The following LRRC7 variants were observed in gnomAD, a reference collection of about 807,000 sequenced individuals.
LRRC7 encodes the protein leucine rich repeat containing 7.
A neutral mutation model predicts 175.7 loss-of-function variants in LRRC7; 23 were observed. The ratio of observed to expected loss-of-function variants is 0.13; its 90% CI spans 0.09 to 0.19. The LOEUF (loss-of-function observed/expected upper bound fraction) is 0.19, where lower values mean the gene tolerates loss of function less well. LRRC7 is among the 10% of genes least tolerant of loss of function. The pLI is 1.00. For synonymous variants in LRRC7, 685 were observed against 680.9 expected (o/e 1.01, Z -0.09); for missense variants, 1,354 against 1,904.7 (o/e 0.71, Z 5.38).
chr1:70,119,511 G>T (rs922625096), intron 26 of LRRC7, among the ~76,000 whole-genome samples: 2 of 146,810 alleles, frequency 1.4e-5, no homozygotes, highest in Admixed American at 1.3e-4. Context: ...GTACAAAACA[G>T]ACATTCTTTA....
Position 69,980,468 on chromosome 1 carries a change from A to C in LRRC7, c.786+15A>C. 6.5e-7 allele frequency: 1 copy of C among 1,550,004 alleles called. No individual in the cohort carries two copies. Among genetic ancestry groups the C allele is most frequent in the Non-Finnish European group, 8.9e-7 (1 of 1,126,668 alleles). ...TGTTACCTGGGGTATGTAAGTTTTT[A>C]TTCTACCATGTTGTTTAATATTTGT... is the stretch of plus-strand genomic sequence containing the variant. On this transcript the variant is annotated intron_variant, in intron 9 of 26. Coordinates refer to ENST00000651989, the MANE Select transcript of LRRC7 (RefSeq NM_001370785.2).
At chr1:69,751,619 A>C (rs12074756) in intron 2 of LRRC7, among the ~76,000 whole-genome samples, 1,690 of 152,246 alleles carry the variant, frequency 0.011, 37 homozygotes, top group African/African-American at 0.039. Context: ...TCTGCTTTTG[A>C]CAAGTGGAGT....
intron 8 of LRRC7, among the ~76,000 whole-genome samples, chr1:69,934,366 A>C (rs573875949): frequency 2.6e-5 from 4 of 152,184 alleles, no homozygotes; most frequent in South Asian, 2.1e-4. Context: ...TCAGAGTAGA[A>C]ATATCTACTT....
chr1:69,621,801 A>G (rs1018020623), intron 1 of LRRC7, among the ~76,000 whole-genome samples: 1 of 151,588 alleles, frequency 6.6e-6, no homozygotes, highest in Non-Finnish European at 1.5e-5. Context: ...GGACTGGACC[A>G]CTCTTTTTCT....
At chr1:70,100,312 T>C (rs528590568) in intron 25 of LRRC7, among the ~76,000 whole-genome samples, 1 of 152,278 alleles carries the variant, frequency 6.6e-6, no homozygotes, top group South Asian at 2.1e-4. Flanking sequence ...TTGCTTATTT[T>C]TGGTTGCTTT....
intron 18 of LRRC7, among the ~76,000 whole-genome samples, chr1:70,035,199 G>A (rs538709559): frequency 2.0e-5 from 3 of 152,142 alleles, no homozygotes; most frequent in South Asian, 2.1e-4. Flanking sequence ...AAGACATAAC[G>A]ATAGCTGCTA....
At chr1:69,714,639 G>A (rs1188285234) in intron 2 of LRRC7, among the ~76,000 whole-genome samples, 1 of 152,162 alleles carries the variant, frequency 6.6e-6, no homozygotes, top group African/African-American at 2.4e-5. Context: ...GAACAAAGAT[G>A]TAGTGGGGGC....
intron 8 of LRRC7, among the ~76,000 whole-genome samples, chr1:69,944,646 TC>T (rs902577927): frequency 7.2e-5 from 11 of 152,084 alleles, no homozygotes; most frequent in Admixed American, 3.3e-4. Flanking sequence ...AGTTCCAATT[TC>T]CCCCACATCC....
chr1:70,055,522 C>T (rs1387412772), intron 23 of LRRC7, among the ~76,000 whole-genome samples: 1 of 152,116 alleles, frequency 6.6e-6, no homozygotes, highest in Non-Finnish European at 1.5e-5. Flanking sequence ...CTATAAAGAA[C>T]TACCTGAGAC....
intron 3 of LRRC7, among the ~76,000 whole-genome samples, chr1:69,773,957 T>G (rs909026745): frequency 6.6e-6 from 1 of 152,180 alleles, no homozygotes; most frequent in Non-Finnish European, 1.5e-5. Flanking sequence ...AGTTCAAGAC[T>G]GCAGCAAGCT....
chr1:69,608,858 CTCTCTCTCTATATA>C (rs1156631636), intron 1 of LRRC7, among the ~76,000 whole-genome samples: 978 of 25,570 alleles, frequency 0.038, 1 homozygote, highest in Non-Finnish European at 0.041. Context: ...CTCTCTCTCT[CTCTCTCTCTATATA>C]TATATATATA....
chr1:69,802,575 C>G (rs929888859), intron 4 of LRRC7, among the ~76,000 whole-genome samples: 1 of 151,290 alleles, frequency 6.6e-6, no homozygotes, highest in African/African-American at 2.4e-5. Flanking sequence ...AATATCTTTT[C>G]TCATCCCTTT....
rs1414372081 is a variant in LRRC7, at chr1:69,930,082, C to T, written c.648-1425C>T. ...TCCTTATATGAATTCTCTCTATCTA[C>T]CTCCTCTGCTTAACTTTTCTCTGTA... On this transcript the variant is annotated intron_variant, in intron 7 of 26. Transcript: ENST00000651989. Among the ~76,000 whole-genome samples the T allele has an allele frequency of 2.6e-5, 4 of 152,174 alleles. No individual in the cohort carries two copies. In the South Asian group the frequency reaches 6.2e-4, roughly 24 times the overall value.
intron 1 of LRRC7, among the ~76,000 whole-genome samples, chr1:69,610,951 T>A (rs1269179987): frequency 1.1e-4 from 16 of 152,042 alleles, no homozygotes; most frequent in Non-Finnish European, 2.2e-4. Flanking sequence ...AAAATGCAGC[T>A]TTATGATGAC....
intron 2 of LRRC7, among the ~76,000 whole-genome samples, chr1:69,732,347 C>T (rs1667670587): frequency 6.6e-6 from 1 of 151,788 alleles, no homozygotes; most frequent in Non-Finnish European, 1.5e-5. Context: ...AAAAAAAATA[C>T]ATACAGCTAA....
intron 24 of LRRC7, among the ~76,000 whole-genome samples, chr1:70,085,415 C>G (rs1663531604): frequency 6.6e-6 from 1 of 152,076 alleles, no homozygotes; most frequent in Admixed American, 6.6e-5. Flanking sequence ...TACCTTGAAC[C>G]CTTTGTCAAA....
chr1:69,960,570 G>T (rs1379285878), intron 8 of LRRC7, among the ~76,000 whole-genome samples: 1 of 150,632 alleles, frequency 6.6e-6, no homozygotes, highest in South Asian at 2.1e-4. Flanking sequence ...TTCTGATGTT[G>T]GGTTGTTAAA....
At chr1:70,100,808 T>C (rs1664752420) in intron 25 of LRRC7, among the ~76,000 whole-genome samples, 1 of 152,062 alleles carries the variant, frequency 6.6e-6, no homozygotes, top group Non-Finnish European at 1.5e-5. Context: ...CCCTCACTTC[T>C]CCTCTCTCTT....
chr1:69,865,221 G>A (rs114792269), intron 7 of LRRC7, among the ~76,000 whole-genome samples: 1,879 of 152,170 alleles, frequency 0.012, 34 homozygotes, highest in African/African-American at 0.042. Flanking sequence ...GGTTCCAGTA[G>A]AGGCTTCAGT....
Sources: gnomAD v4.1 joint callset for allele counts (sites outside exome capture counted in the v4.1 genomes callset) on GRCh38, gnomAD v4.1.1 for gene constraint, MANE v1.5 for transcripts, NCBI Gene and HGNC (gene_info 2026-07-23, HGNC 2026-07-21) for gene names.